Variants in DIS3L2 observed in about 807,000 individuals in gnomAD.
DIS3L2 encodes DIS3 like 3'-5' exoribonuclease 2.
A neutral mutation model predicts 97.5 loss-of-function variants in DIS3L2; 34 were observed. The observed-to-expected ratio is 0.35, with a 90% confidence interval of 0.27 to 0.46. DIS3L2 has a LOEUF of 0.46. Ranked by LOEUF, DIS3L2 falls within the 20% of genes least tolerant of loss-of-function variation. The probability of loss-of-function intolerance (pLI) is 1.00; values close to 1 mark genes in which losing one functional copy is unlikely to be tolerated. For missense variants in DIS3L2, 1,038 were observed against 1,146.0 expected (o/e 0.91, Z 1.36); for synonymous variants, 435 against 445.2 (o/e 0.98, Z 0.29).
intron 8 of DIS3L2, among the ~76,000 whole-genome samples, chr2:232,137,643 T>G (rs527539984): frequency 1.9e-4 from 29 of 152,222 alleles, no homozygotes; most frequent in South Asian, 6.2e-4. Context: ...TATTCTATAC[T>G]TAGCTTCTTA....
At chr2:232,204,697 A>G (rs1691982803) in intron 9 of DIS3L2, among the ~76,000 whole-genome samples, 1 of 152,194 alleles carries the variant, frequency 6.6e-6, no homozygotes, top group Non-Finnish European at 1.5e-5. Flanking sequence ...GTGAGACCAA[A>G]GCCTTCCAGA....
At chr2:232,130,789 G>A (rs1259921299) in intron 7 of DIS3L2, 70 bp downstream of exon 7, 2 of 1,586,166 alleles carry the variant, frequency 1.3e-6, no homozygotes, top group East Asian at 4.6e-5. Context: ...AAGATCTCGT[G>A]TGATTCAGTC....
chr2:232,208,304 C>T (rs1361609687), intron 9 of DIS3L2, among the ~76,000 whole-genome samples: 1 of 151,944 alleles, frequency 6.6e-6, no homozygotes, highest in Non-Finnish European at 1.5e-5. Context: ...CTCTCCTCCC[C>T]CCACCCTTTT....
chr2:232,086,628 T>TATATAC lies in DIS3L2; in HGVS notation c.367-858_367-857insTATACA, dbSNP rs1459638636. Among the ~76,000 whole-genome samples, 35 of 97,680 alleles carry TATATAC rather than the reference T, an allele frequency of 3.6e-4. 1 individual carries two copies. Among genetic ancestry groups the TATATAC allele is most frequent in the African/African-American group, 4.9e-4 (12 of 24,264 alleles). The allele number at this position is 97,680 out of a possible 152,430, so 64.1% of individuals were successfully genotyped here. Reference sequence around the variant, plus strand: ...GTGTGTGTGTGTATATATATATATATACACATATATATATATGTATATATA... The same window carrying TATATAC: ...GTGTGTGTGTGTATATATATATATATATATACACACATATATATATATGTATATATA... On this transcript the variant is annotated intron_variant, in intron 5 of 20. Coordinates refer to ENST00000325385, the MANE Select transcript of DIS3L2 (RefSeq NM_152383.5).
rs1575027074 is a variant in DIS3L2 at position 232,333,711 on chromosome 2, C to T, written c.2011-129C>T. The T allele has an allele frequency of 5.8e-6, 8 of 1,372,458 alleles. No homozygotes were observed. The East Asian group carries it at 2.0e-4, about 34-fold the overall frequency. The allele number at this position is 1,372,458 out of a possible 1,614,324, so 85.0% of individuals were successfully genotyped here. A position where few individuals can be genotyped will look rare whatever the true frequency, so the allele number is the denominator to read the frequency against. On this transcript the variant is annotated intron_variant, in intron 16 of 20. Transcript: ENST00000325385. ...GGCCCCAGTCCTCCCTGGCGTCACTCAGCAACCAGCAGCCCATTAGGTCTG... is the reference window on the plus strand; with the variant it reads ...GGCCCCAGTCCTCCCTGGCGTCACTTAGCAACCAGCAGCCCATTAGGTCTG...
intron 1 of DIS3L2, among the ~76,000 whole-genome samples, chr2:232,006,988 G>A (rs540493301): frequency 3.9e-5 from 6 of 152,190 alleles, no homozygotes; most frequent in African/African-American, 1.4e-4. Context: ...ATTAAAGAGT[G>A]TGTAATGGGG....
chr2:232,300,129 T>G lies in DIS3L2; in HGVS notation c.1739+10T>G, dbSNP rs1060504802. 1 of 1,612,786 alleles carries G rather than the reference T, an allele frequency of 6.2e-7. No homozygotes were observed. Among genetic ancestry groups the G allele is most frequent in the African/African-American group, 1.3e-5 (1 of 74,904 alleles). On this transcript the variant is annotated intron_variant, in intron 14 of 20. Coordinates refer to ENST00000325385, the MANE Select transcript of DIS3L2 (RefSeq NM_152383.5). ...ACCGCGAGAGCAACAAGTAAGCCAC[T>G]CAGTGGGAAAGAGTGTCACTTCACA...
chr2:232,138,792 C>G (rs1454546171), intron 8 of DIS3L2, among the ~76,000 whole-genome samples: 2 of 152,150 alleles, frequency 1.3e-5, no homozygotes, highest in Non-Finnish European at 2.9e-5. Flanking sequence ...TCAAGTTTAG[C>G]TAAGGTGGCT....
chr2:231,977,227 C>G (rs1559509059), intron 1 of DIS3L2, among the ~76,000 whole-genome samples: 1 of 152,134 alleles, frequency 6.6e-6, no homozygotes, highest in South Asian at 2.1e-4. Flanking sequence ...GTTGAACCAT[C>G]ATAAGTTGAG....
rs531539067 is a variant in DIS3L2 at position 232,028,537 on chromosome 2, A to G, written c.265-1442A>G. On this transcript the variant is annotated intron_variant, in intron 4 of 20. Coordinates refer to ENST00000325385, the MANE Select transcript of DIS3L2 (RefSeq NM_152383.5). ...AAGGTGACAGTACTATCATCCCATC[A>G]ATCTGAAATCTCTGCGCTGCCAAAG... is the stretch of plus-strand genomic sequence containing the variant. Among the ~76,000 whole-genome samples, 243 of 152,246 alleles carry G rather than the reference A, an allele frequency of 1.6e-3. 1 individual carries two copies. Among genetic ancestry groups the G allele is most frequent in the Non-Finnish European group, 2.2e-3 (151 of 68,008 alleles).
At chr2:232,041,649 T>C (rs552893808) in intron 5 of DIS3L2, among the ~76,000 whole-genome samples, 16 of 152,288 alleles carry the variant, frequency 1.1e-4, no homozygotes, top group African/African-American at 3.8e-4. Context: ...GCCATAGTGA[T>C]TGGCTCAGAG....
chr2:232,238,736 C>T lies in DIS3L2; in HGVS notation c.1317+91C>T, dbSNP rs540948380. ...TGTGCTCTCTGTTATTACATGTTCT[C>T]CGGAAAGAGAAGCCAAAGGAAGACA... On this transcript the variant is annotated intron_variant, in intron 11 of 20. Transcript: ENST00000325385. The T allele has an allele frequency of 2.5e-6, 3 of 1,201,002 alleles. No homozygotes were observed. The East Asian group carries it at 7.7e-5, about 31-fold the overall frequency. 74.4% of individuals were successfully genotyped at this position (1,201,002 alleles called of 1,614,324 possible).
At chr2:232,214,013 A>G (rs1692266841) in intron 10 of DIS3L2, among the ~76,000 whole-genome samples, 1 of 152,156 alleles carries the variant, frequency 6.6e-6, no homozygotes, top group South Asian at 2.1e-4. Context: ...CTAAAAACAC[A>G]CTTCAGGAGA....
chr2:232,182,079 C>A (rs1265469629), intron 9 of DIS3L2, among the ~76,000 whole-genome samples: 1 of 152,208 alleles, frequency 6.6e-6, no homozygotes, highest in Admixed American at 6.5e-5. Flanking sequence ...GCTACTCCCT[C>A]CCTACTTCCC....
At chr2:232,153,897 T>C (rs1350135480) in intron 8 of DIS3L2, among the ~76,000 whole-genome samples, 4 of 152,046 alleles carry the variant, frequency 2.6e-5, no homozygotes, top group South Asian at 2.1e-4. Context: ...AGGCTTTGCT[T>C]GTTTCTTTTT....
chr2:232,119,311 C>T (rs1174401926), intron 6 of DIS3L2, among the ~76,000 whole-genome samples: 5 of 152,154 alleles, frequency 3.3e-5, no homozygotes, highest in Admixed American at 3.3e-4. Flanking sequence ...GGATAACTAG[C>T]TAGTCCTTAG....
chr2:232,295,059 A>G (rs990606375), intron 13 of DIS3L2, among the ~76,000 whole-genome samples: 9 of 152,098 alleles, frequency 5.9e-5, no homozygotes, highest in African/African-American at 1.7e-4. Flanking sequence ...CCTGGCAGAT[A>G]TTCAGCTTGG....
chr2:232,104,534 T>C (rs1485459523), intron 6 of DIS3L2, among the ~76,000 whole-genome samples: 1 of 152,206 alleles, frequency 6.6e-6, no homozygotes, highest in Non-Finnish European at 1.5e-5. Flanking sequence ...AACCTTTTCA[T>C]CATCCCAAAC....
intron 5 of DIS3L2, among the ~76,000 whole-genome samples, chr2:232,069,999 A>G (rs1045670177): frequency 2.6e-5 from 4 of 152,262 alleles, no homozygotes; most frequent in African/African-American, 7.2e-5. Flanking sequence ...GTACTAATAC[A>G]TTGACTATGT....
Sources: gnomAD v4.1 joint callset for allele counts (sites outside exome capture counted in the v4.1 genomes callset) on GRCh38, gnomAD v4.1.1 for gene constraint, MANE v1.5 for transcripts, NCBI Gene and HGNC (gene_info 2026-07-23, HGNC 2026-07-21) for gene names.